The following SOX5 variants were observed in gnomAD, a reference collection of about 807,000 sequenced individuals.
SOX5 encodes the protein SRY-box transcription factor 5.
SOX5 carries 9 observed loss-of-function variants against 92.0 expected under a neutral mutation model. The observed-to-expected ratio is 0.10, with a 90% CI of 0.06 to 0.17. The LOEUF is 0.17. Ranked by LOEUF, SOX5 falls within the 10% of genes least tolerant of loss-of-function variation. SOX5 has a pLI of 1.00. For missense variants in SOX5, 642 were observed against 944.5 expected (o/e 0.68, Z 4.20); for synonymous variants, 344 against 336.3 (o/e 1.02, Z -0.25).
intron 9 of SOX5, among the ~76,000 whole-genome samples, chr12:23,582,851 T>C (rs1950229677): frequency 6.6e-6 from 1 of 152,134 alleles, no homozygotes; most frequent in Admixed American, 6.6e-5. Context: ...AATTACATGT[T>C]TCTTTACATT....
At chr12:23,849,539 C>T (rs1192125136) in intron 2 of SOX5, among the ~76,000 whole-genome samples, 2 of 152,102 alleles carry the variant, frequency 1.3e-5, no homozygotes, top group Admixed American at 1.3e-4. Flanking sequence ...CTCCAGAGCC[C>T]TCATTCTTAA....
intron 3 of SOX5, among the ~76,000 whole-genome samples, chr12:24,234,209 G>A (rs1248543092): frequency 6.6e-6 from 1 of 152,150 alleles, no homozygotes; most frequent in South Asian, 2.1e-4. Context: ...CAAATATTTT[G>A]CAAAATCATA....
At chr12:24,131,559 AAACT>A (rs1482877135) in intron 4 of SOX5, among the ~76,000 whole-genome samples, 4 of 152,246 alleles carry the variant, frequency 2.6e-5, no homozygotes, top group African/African-American at 7.2e-5. Flanking sequence ...ATGCATTACT[AAACT>A]AACACTTTAA....
chr12:24,250,856 AG>A (rs1171170185), intron 3 of SOX5, among the ~76,000 whole-genome samples: 1 of 152,312 alleles, frequency 6.6e-6, no homozygotes, highest in South Asian at 2.1e-4. Flanking sequence ...TCTAATTGAA[AG>A]GCACTTAACA....
intron 4 of SOX5, among the ~76,000 whole-genome samples, chr12:24,024,368 T>G (rs1954645604): frequency 6.6e-6 from 1 of 151,992 alleles, no homozygotes; most frequent in Non-Finnish European, 1.5e-5. Context: ...ATTAAGACAA[T>G]GAAAGCATAC....
chr12:23,688,098 G>C (rs2087977398), intron 6 of SOX5, among the ~76,000 whole-genome samples: 1 of 151,968 alleles, frequency 6.6e-6, no homozygotes, highest in Non-Finnish European at 1.5e-5. Flanking sequence ...CAATTATGCT[G>C]ATGCTGTACT....
intron 9 of SOX5, among the ~76,000 whole-genome samples, chr12:23,586,663 A>G (rs1006556110): frequency 4.7e-5 from 7 of 150,500 alleles, no homozygotes; most frequent in Non-Finnish European, 1.0e-4. Context: ...TTTCTTGAAG[A>G]GTCTGAAAAC....
intron 1 of SOX5, among the ~76,000 whole-genome samples, chr12:24,422,036 A>C (rs1283571481): frequency 2.0e-5 from 3 of 152,260 alleles, no homozygotes; most frequent in East Asian, 1.9e-4. Context: ...GGTTGACTGC[A>C]CAATGACCTT....
At chr12:23,997,750 A>G (rs1303324536) in intron 4 of SOX5, among the ~76,000 whole-genome samples, 5 of 152,226 alleles carry the variant, frequency 3.3e-5, no homozygotes, top group Non-Finnish European at 7.3e-5. Flanking sequence ...CCTCTGACAC[A>G]TAATTGTCTG....
chr12:24,065,645 C>CAAA (rs71445983), intron 4 of SOX5, among the ~76,000 whole-genome samples: 58 of 81,574 alleles, frequency 7.1e-4, no homozygotes, highest in African/African-American at 1.6e-3. Flanking sequence ...GACTCCATCT[C>CAAA]AAAAAAAAAA....
chr12:24,097,705 TTGG>T (rs748403782), intron 4 of SOX5, among the ~76,000 whole-genome samples: 5 of 152,274 alleles, frequency 3.3e-5, no homozygotes, highest in Non-Finnish European at 5.9e-5. Flanking sequence ...ATGTATAGGA[TTGG>T]TACATAAATG....
intron 11 of SOX5, among the ~76,000 whole-genome samples, chr12:23,549,000 C>A (rs1047725713): frequency 3.3e-5 from 5 of 151,954 alleles, no homozygotes; most frequent in Non-Finnish European, 7.4e-5. Context: ...CTGTCTCCAG[C>A]CATCCCCTCT....
chr12:24,180,073 T>C (rs1955308587), intron 4 of SOX5, among the ~76,000 whole-genome samples: 1 of 151,866 alleles, frequency 6.6e-6, no homozygotes, highest in Non-Finnish European at 1.5e-5. Flanking sequence ...GCCTCCCAAG[T>C]AGCTGGGATT....
At position 23,766,830 on chromosome 12, in the gene SOX5, T is replaced by C. The variant is rs1195097854; in HGVS notation, c.482-11106A>G. ...GTAAAAACTGCTAAGGGGATAATAT[T>C]GTATATAATTTATTATATCGGGGAA... is the stretch of plus-strand genomic sequence containing the variant. On this transcript the variant is annotated intron_variant, in intron 3 of 14. Coordinates refer to ENST00000451604, the MANE Select transcript of SOX5 (RefSeq NM_006940.6). Among the ~76,000 whole-genome samples, 5 of 152,166 alleles carry C rather than the reference T, an allele frequency of 3.3e-5. No homozygotes were observed. The East Asian group carries it at 7.7e-4, about 23-fold the overall frequency.
intron 4 of SOX5, among the ~76,000 whole-genome samples, chr12:24,153,447 G>A (rs985069896): frequency 2.6e-5 from 4 of 151,990 alleles, no homozygotes; most frequent in African/African-American, 4.8e-5. Context: ...TCACAATTTG[G>A]TATTACTTTG....
intron 4 of SOX5, among the ~76,000 whole-genome samples, chr12:24,002,519 A>G (rs1951707042): frequency 7.2e-6 from 1 of 138,068 alleles, no homozygotes; most frequent in Non-Finnish European, 1.5e-5. Context: ...GTGGATCAAG[A>G]AGAAACAGAA....
intron 4 of SOX5, among the ~76,000 whole-genome samples, chr12:24,163,061 T>C (rs1231700445): frequency 6.6e-6 from 1 of 152,126 alleles, no homozygotes; most frequent in Non-Finnish European, 1.5e-5. Context: ...CTGGAGGAGC[T>C]ATTTCAGCTG....
chr12:24,174,572 A>C (rs1954593769), intron 4 of SOX5, among the ~76,000 whole-genome samples: 1 of 152,152 alleles, frequency 6.6e-6, no homozygotes, highest in Non-Finnish European at 1.5e-5. Flanking sequence ...TTAAGAAAAG[A>C]GAACTTTGGG....
intron 3 of SOX5, among the ~76,000 whole-genome samples, chr12:24,239,764 G>A (rs1468485822): frequency 6.6e-6 from 1 of 152,178 alleles, no homozygotes; most frequent in African/African-American, 2.4e-5. Flanking sequence ...TTTCTGCCAG[G>A]AAGAGTCTCA....
Sources: gnomAD v4.1 joint callset for allele counts (sites outside exome capture counted in the v4.1 genomes callset) on GRCh38, gnomAD v4.1.1 for gene constraint, MANE v1.5 for transcripts, NCBI Gene and HGNC (gene_info 2026-07-23, HGNC 2026-07-21) for gene names.